Variants in INO80 observed in about 807,000 individuals in gnomAD.
The protein encoded by INO80 is chromatin-remodeling ATPase INO80.
A neutral mutation model predicts 203.4 loss-of-function variants in INO80; 20 were observed. That is an observed-to-expected ratio of 0.10 (90% CI 0.07 to 0.14). INO80 has a LOEUF of 0.14. Among genes scored for constraint, INO80 ranks in the 10% least tolerant of loss-of-function variants. The pLI, the probability that INO80 is intolerant of heterozygous loss-of-function variation, is 1.00. For missense variants in INO80, 1,419 were observed against 1,914.4 expected, an observed-to-expected ratio of 0.74 and a Z score of 4.83; for synonymous variants, 726 against 685.2, an observed-to-expected ratio of 1.06 and a Z score of -0.93.
chr15:41,038,438 C>A (rs1186900183), intron 24 of INO80, among the ~76,000 whole-genome samples: 3 of 152,172 alleles, frequency 2.0e-5, no homozygotes, highest in African/African-American at 7.2e-5. Flanking sequence ...ATTCTCTACA[C>A]CTCCTAACCA....
In INO80 at chr15:41,063,331, C is replaced by T. The variant is rs931778464; in HGVS notation, c.1783-3405G>A. On this transcript the variant is annotated intron_variant, in intron 14 of 35. Transcript: ENST00000648947. ...CAGCCTGGGCCACAGAGCCAGACTC[C>T]GTCTCAAAAAAAATTTTAATGTAAA... 5.3e-5 allele frequency among the ~76,000 whole-genome samples: 8 copies of T among 151,348 alleles called. No individual in the cohort carries two copies. The South Asian group carries it at 6.3e-4, about 12-fold the overall frequency.
chr15:41,039,176 C>T, intron 24 of INO80, among the ~76,000 whole-genome samples: 1 of 152,208 alleles, frequency 6.6e-6, no homozygotes, highest in East Asian at 1.9e-4. Flanking sequence ...CACAGTCTCA[C>T]TATGTTGCCC....
chr15:40,990,214 T>C (rs191317366), intron 29 of INO80, among the ~76,000 whole-genome samples: 1 of 152,206 alleles, frequency 6.6e-6, no homozygotes, highest in East Asian at 1.9e-4. Flanking sequence ...CCTAACAGTC[T>C]CCCTCCACAA....
chr15:40,982,582 C>A (rs964846045), intron 35 of INO80, among the ~76,000 whole-genome samples: 18 of 152,146 alleles, frequency 1.2e-4, no homozygotes, highest in African/African-American at 4.3e-4. Context: ...AGGAAGAAAA[C>A]AAATCCCCAA....
chr15:41,000,295 T>G lies in INO80; in HGVS notation c.3498-2694A>C, dbSNP rs192444962. Among the ~76,000 whole-genome samples the G allele has an allele frequency of 5.8e-4, 88 of 152,030 alleles. 1 individual carries two copies. The highest frequency in any genetic ancestry group is 2.1e-3 in the African/African-American group (87 of 41,462). ...CTTGAGGAGACCCAAAATATGAGCA[T>G]GGGGTAGGCGTCAGGGAATGGGTAC... On this transcript the variant is annotated intron_variant, in intron 28 of 35. Transcript: ENST00000648947.
chr15:41,115,875 C>T (rs987389640), intron 1 of INO80, 98 bp downstream of exon 1: 27 of 374,602 alleles, frequency 7.2e-5, no homozygotes, highest in African/African-American at 5.7e-4. Flanking sequence ...GGGCGACGGC[C>T]CCTTTAAGAC....
chr15:41,113,547 C>A (rs113270261), intron 1 of INO80, among the ~76,000 whole-genome samples: 2 of 152,116 alleles, frequency 1.3e-5, no homozygotes, highest in African/African-American at 2.4e-5. Flanking sequence ...GGATTACAGG[C>A]GTGAGCCACC....
intron 7 of INO80, among the ~76,000 whole-genome samples, chr15:41,081,610 T>C (rs1305194907): frequency 6.6e-6 from 1 of 152,138 alleles, no homozygotes; most frequent in African/African-American, 2.4e-5. Flanking sequence ...TAACACAAAA[T>C]GACCCAGCAG....
chr15:40,987,699 T>C, intron 30 of INO80, 117 bp downstream of exon 30: 1 of 970,938 alleles, frequency 1.0e-6, no homozygotes. Flanking sequence ...GAAGAAATTG[T>C]AGTTTCGTCA....
chr15:41,021,205 A>G, intron 25 of INO80, 80 bp from the exon 26 acceptor site: 1 of 911,296 alleles, frequency 1.1e-6, no homozygotes. Context: ...CAACTTTGAA[A>G]TCAGACTAAT....
chr15:41,092,010 T>C lies in INO80; in HGVS notation c.537+17A>G. The C allele has an allele frequency of 6.3e-7, 1 of 1,584,710 alleles. No individual in the cohort carries two copies. Among genetic ancestry groups the C allele is most frequent in the Non-Finnish European group, 8.6e-7 (1 of 1,156,748 alleles). ...GGGTGAATATTCAGTTTGAAGTGTTTCTCCTGAAACTCTTACCTCCTTGTC... is the reference window on the plus strand; with the variant it reads ...GGGTGAATATTCAGTTTGAAGTGTTCCTCCTGAAACTCTTACCTCCTTGTC... On this transcript the variant is annotated intron_variant, in intron 5 of 35. Transcript: ENST00000648947.
At chr15:40,984,411 G>A in intron 32 of INO80, 59 bp from the exon 33 acceptor site, 1 of 1,506,504 alleles carries the variant, frequency 6.6e-7, no homozygotes, top group Non-Finnish European at 9.1e-7. Flanking sequence ...AAGAAAAGCG[G>A]GATTTGGGAA....
At chr15:41,016,306 A>C (rs1384349404) in intron 26 of INO80, 91 bp from the exon 27 acceptor site, 9 of 1,242,998 alleles carry the variant, frequency 7.2e-6, no homozygotes, top group Non-Finnish European at 1.0e-5. Flanking sequence ...CACAATCACT[A>C]AAACCAAGAT....
intron 23 of INO80, among the ~76,000 whole-genome samples, chr15:41,045,931 G>A (rs1163726281): frequency 6.6e-6 from 1 of 151,216 alleles, no homozygotes; most frequent in African/African-American, 2.4e-5. Context: ...TCATATTAAG[G>A]AGATAACCAT....
intron 29 of INO80, among the ~76,000 whole-genome samples, chr15:40,990,867 C>T (rs1430273213): frequency 6.6e-6 from 1 of 152,020 alleles, no homozygotes; most frequent in Non-Finnish European, 1.5e-5. Flanking sequence ...ATCTTTTTTT[C>T]TGGTTCATGT....
intron 1 of INO80, among the ~76,000 whole-genome samples, chr15:41,109,953 G>A (rs1195392645): frequency 1.3e-5 from 2 of 150,938 alleles, no homozygotes; most frequent in Admixed American, 1.3e-4. Context: ...AAACTGTCCA[G>A]GCGTGGTGAT....
chr15:40,981,839 C>G lies in INO80; in HGVS notation c.4453+1023G>C, dbSNP rs183610165. Among the ~76,000 whole-genome samples the G allele has an allele frequency of 2.7e-3, 413 of 152,354 alleles. 3 individuals are homozygous for G. The highest frequency in any genetic ancestry group is 0.014 in the South Asian group (66 of 4,828). On this transcript the variant is annotated intron_variant, in intron 35 of 35. Transcript: ENST00000648947. ...GCAGGCCTCGCCATGTGTTTACAACCTTGACTCCTACTGCTCCTCTTCCAT... is the reference window on the plus strand; with the variant it reads ...GCAGGCCTCGCCATGTGTTTACAACGTTGACTCCTACTGCTCCTCTTCCAT...
chr15:41,081,182 C>A, intron 7 of INO80, 109 bp from the exon 8 acceptor site: 1 of 696,730 alleles, frequency 1.4e-6, no homozygotes, highest in South Asian at 1.7e-5. Context: ...AATGTCAAGC[C>A]AAGCAAGATA....
chr15:41,090,757 A>G (rs1421306459), intron 5 of INO80, among the ~76,000 whole-genome samples: 1 of 152,072 alleles, frequency 6.6e-6, no homozygotes, highest in Admixed American at 6.6e-5. Flanking sequence ...ATTGCACACT[A>G]TATAAGGCTG....
Sources: gnomAD v4.1 joint callset for allele counts (sites outside exome capture counted in the v4.1 genomes callset) on GRCh38, gnomAD v4.1.1 for gene constraint, MANE v1.5 for transcripts, NCBI Gene and HGNC (gene_info 2026-07-23, HGNC 2026-07-21) for gene names.